The following NEK8 variants were observed in gnomAD, a reference collection of about 807,000 sequenced individuals.
NEK8 encodes NIMA related kinase 8.
A neutral mutation model predicts 77.2 loss-of-function variants in NEK8; 51 were observed. The observed-to-expected ratio is 0.66, with a 90% CI of 0.53 to 0.83. The LOEUF is 0.83. Among genes scored for constraint, NEK8 ranks in the 40% least tolerant of loss-of-function variants. The pLI is 0.00. For synonymous variants in NEK8, 365 were observed against 363.2 expected (o/e 1.00, Z -0.06); for missense variants, 787 against 909.2 (o/e 0.87, Z 1.73).
At chr17:28,739,919 G>C (rs2034402932) in intron 10 of NEK8, among the ~76,000 whole-genome samples, 1 of 152,196 alleles carries the variant, frequency 6.6e-6, no homozygotes, top group South Asian at 2.1e-4. Context: ...ACACCCCAGT[G>C]CAGAGGCGTG....
Position 28,740,987 on chromosome 17 carries a change from TGAG to T in NEK8, c.1732+8_1732+10del, listed in dbSNP as rs3833163. ...CTGCTCACTCAGCTGCTGTGACTGG[TGAG>T]GAGGACTTGGGCTCTGGAGGTCAGA... On this transcript the variant is annotated splice_donor_5th_base_variant and intron_variant, in intron 12 of 14. Coordinates refer to ENST00000268766, the MANE Select transcript of NEK8 (RefSeq NM_178170.3). The surrounding 1 kb of genome is among the most constrained non-coding windows in gnomAD (Gnocchi z 4.7). The T allele has an allele frequency of 3.0e-3, 4,908 of 1,614,112 alleles. 133 individuals carry two copies. The East Asian group carries it at 0.071, about 23-fold the overall frequency.
intron 8 of NEK8, 81 bp from the exon 9 acceptor site, chr17:28,738,590 G>A: frequency 1.6e-6 from 2 of 1,284,466 alleles, no homozygotes; most frequent in Non-Finnish European, 2.3e-6. Flanking sequence ...TTTTGCTGCT[G>A]CAACCCACTG....
intron 1 of NEK8, 97 bp from the exon 2 acceptor site, chr17:28,733,886 C>T: frequency 1.0e-6 from 1 of 1,000,022 alleles, no homozygotes; most frequent in Non-Finnish European, 1.5e-6. Flanking sequence ...GTCTAGAACC[C>T]TCTTCCAAGA....
chr17:28,737,178 G>A lies in NEK8; in HGVS notation c.619-128G>A. 1 of 911,026 alleles carries A rather than the reference G, an allele frequency of 1.1e-6. No homozygotes were observed. Among genetic ancestry groups the A allele is most frequent in the Admixed American group, 2.0e-5 (1 of 50,100 alleles). The allele number at this position is 911,026 out of a possible 1,614,324, so 56.4% of individuals were successfully genotyped here. A position where few individuals can be genotyped will look rare whatever the true frequency, so the allele number is the denominator to read the frequency against. ...ATGCTGTTTTGGTTACTGTAGCCTT[G>A]TAGTATAGTTTGAAGTCAGGTAGCA... On this transcript the variant is annotated intron_variant, in intron 4 of 14. Transcript: ENST00000268766. The surrounding 1 kb of genome is among the most constrained non-coding windows in gnomAD (Gnocchi z 4.8).
Position 28,740,684 on chromosome 17 carries a change from C to G in NEK8, c.1568+71C>G. On this transcript the variant is annotated intron_variant, in intron 11 of 14. Coordinates refer to ENST00000268766, the MANE Select transcript of NEK8 (RefSeq NM_178170.3). This position sits in a 1 kb window ranked among gnomAD's most constrained non-coding sequence, Gnocchi z 4.7. ...GCTGCAAGTGCTCCGTCCATCATTG[C>G]CTACCTTTCACCAAAGACCAGAATT... 6.3e-7 allele frequency: 1 copy of G among 1,593,464 alleles called. No individual in the cohort carries two copies. The highest frequency in any genetic ancestry group is 1.1e-5 in the South Asian group (1 of 90,638).
At position 28,741,381 on chromosome 17, in the gene NEK8, C is replaced by T. The variant is rs2034420268; in HGVS notation, c.1892-32C>T. ...GATCCTGCTCGGGCTGTGCCCACTT[C>T]CCACTTCCCTCCTGGGGATTCTTCC... On this transcript the variant is annotated intron_variant, in intron 13 of 14. Transcript: ENST00000268766. This position sits in a 1 kb window ranked among gnomAD's most constrained non-coding sequence, Gnocchi z 4.5. 3.7e-6 allele frequency: 6 copies of T among 1,610,850 alleles called. No homozygotes were observed. The highest frequency in any genetic ancestry group is 5.1e-6 in the Non-Finnish European group (6 of 1,178,452).
rs2034418691 is a variant in NEK8, at chr17:28,741,233, G to A, written c.1888G>A (p.Ala630Thr). 6.2e-7 allele frequency: 1 copy of A among 1,606,828 alleles called. No individual in the cohort carries two copies. The highest frequency in any genetic ancestry group is 1.1e-5 in the South Asian group (1 of 89,958). ...CGDAFTVAIG[A>T]ESEVYSWGKG... is the part of the protein sequence containing the mutation. ...GGATGCCTTCACTGTAGCTATTGGGGCAGGTGAGGACTGAGCATGGTGGGG... is the reference window on the plus strand; with the variant it reads ...GGATGCCTTCACTGTAGCTATTGGGACAGGTGAGGACTGAGCATGGTGGGG... Residue 630 changes from alanine to threonine, a missense_variant, in exon 13 of 15, where the codon GCA becomes ACA. By Grantham distance (58) the Ala-to-Thr change is moderately conservative. Transcript: ENST00000268766. The surrounding 1 kb of genome is among the most constrained non-coding windows in gnomAD (Gnocchi z 4.5).
At chr17:28,730,739 G>A (rs970678886) in intron 1 of NEK8, among the ~76,000 whole-genome samples, 1 of 147,936 alleles carries the variant, frequency 6.8e-6, no homozygotes, top group South Asian at 2.2e-4. Flanking sequence ...AACACAATGA[G>A]TCCCCCTGTC....
chr17:28,738,511 A>G (rs913136695), intron 8 of NEK8, among the ~76,000 whole-genome samples, 160 bp from the exon 9 acceptor site: 2 of 152,086 alleles, frequency 1.3e-5, no homozygotes, highest in Non-Finnish European at 2.9e-5. Flanking sequence ...AAAGTCACAT[A>G]TGTTTGAAGG....
rs2034443984 is a variant in NEK8 at position 28,743,031 on chromosome 17, C to G, written c.*1044C>G. 6.9e-6 allele frequency: 1 copy of G among 145,386 alleles called. No individual in the cohort carries two copies. Among genetic ancestry groups the G allele is most frequent in the African/African-American group, 2.6e-5 (1 of 38,144 alleles). 9.0% of individuals were successfully genotyped at this position (145,386 alleles called of 1,614,324 possible). Reference sequence around the variant, plus strand: ...AAGTTTGCAGTGAGCCGAGATCGCACCACTGCACTCCAGCCTGGATGACAG... The same window carrying G: ...AAGTTTGCAGTGAGCCGAGATCGCAGCACTGCACTCCAGCCTGGATGACAG... On this transcript the variant is annotated 3_prime_UTR_variant, in exon 15 of 15. Coordinates refer to ENST00000268766, the MANE Select transcript of NEK8 (RefSeq NM_178170.3).
Position 28,741,690 on chromosome 17 carries a change from A to G in NEK8, c.2050+119A>G. ...AGCATCTTTAGCCCCCAGATAAAAA[A>G]AGCAGAAGCTGCGGTTGAAAAGCTT... On this transcript the variant is annotated intron_variant, in intron 14 of 14. Coordinates refer to ENST00000268766, the MANE Select transcript of NEK8 (RefSeq NM_178170.3). This position sits in a 1 kb window ranked among gnomAD's most constrained non-coding sequence, Gnocchi z 4.5. 7.7e-7 allele frequency: 1 copy of G among 1,298,306 alleles called. No homozygotes were observed. Among genetic ancestry groups the G allele is most frequent in the Admixed American group, 1.7e-5 (1 of 58,394 alleles). The allele number at this position is 1,298,306 out of a possible 1,614,324, so 80.4% of individuals were successfully genotyped here. A position where few individuals can be genotyped will look rare whatever the true frequency, so the allele number is the denominator to read the frequency against.
chr17:28,731,908 A>ATTTTTTTTTTTTTTTT (rs71135844), intron 1 of NEK8, among the ~76,000 whole-genome samples: 2 of 52,512 alleles, frequency 3.8e-5, no homozygotes, highest in Non-Finnish European at 7.0e-5. Flanking sequence ...CCTGGCCCCA[A>ATTTTTTTTTTTTTTTT]TTTTTTTTTT....
Position 28,740,671 on chromosome 17 carries a change from C to T in NEK8, c.1568+58C>T, listed in dbSNP as rs1454036632. 4 of 1,601,210 alleles carry T rather than the reference C, an allele frequency of 2.5e-6. No homozygotes were observed. In the Admixed American group the frequency reaches 6.7e-5, roughly 27 times the overall value. ...CTGGCTCTCCTTGGCTGCAAGTGCT[C>T]CGTCCATCATTGCCTACCTTTCACC... On this transcript the variant is annotated intron_variant, in intron 11 of 14. Coordinates refer to ENST00000268766, the MANE Select transcript of NEK8 (RefSeq NM_178170.3). This position sits in a 1 kb window ranked among gnomAD's most constrained non-coding sequence, Gnocchi z 4.7.
At chr17:28,736,237 G>A (rs1166539922) in intron 4 of NEK8, among the ~76,000 whole-genome samples, 1 of 152,124 alleles carries the variant, frequency 6.6e-6, no homozygotes, top group African/African-American at 2.4e-5. Context: ...ATAAACATAC[G>A]TGTGCATGTG....
At chr17:28,738,853 G>C in intron 9 of NEK8, 106 bp downstream of exon 9, 1 of 951,082 alleles carries the variant, frequency 1.1e-6, no homozygotes, top group Non-Finnish European at 1.7e-6. Flanking sequence ...AGCAACCACA[G>C]GTTCCTCTAG....
chr17:28,731,223 G>A (rs540271327), intron 1 of NEK8, among the ~76,000 whole-genome samples: 2 of 151,734 alleles, frequency 1.3e-5, no homozygotes, highest in East Asian at 1.9e-4. Flanking sequence ...GGCAACAAGA[G>A]TGAAACTCTG....
In NEK8 at chr17:28,734,002, C is replaced by T. The variant is rs75328009; in HGVS notation, c.67C>T (p.Arg23Ter). 7 of 1,614,122 alleles carry T rather than the reference C, an allele frequency of 4.3e-6. No individual in the cohort carries two copies. Among genetic ancestry groups the T allele is most frequent in the South Asian group, 1.1e-5 (1 of 91,078 alleles). ...CCCTAGGATTGTGCACCTGTGCCTG[C>T]GAAAGGCTGACCAGAAGCTGGTGAT... is the stretch of plus-strand genomic sequence containing the variant. ...GAFGIVHLCL[R>*]KADQKLVIIK... Residue 23 changes from arginine to a stop codon, truncating the protein, a stop_gained, in exon 2 of 15, where the codon CGA becomes TGA. Transcript: ENST00000268766. LOFTEE classifies it high-confidence loss of function.
At chr17:28,732,552 T>C (rs1250707305) in intron 1 of NEK8, among the ~76,000 whole-genome samples, 4 of 135,656 alleles carry the variant, frequency 2.9e-5, no homozygotes, top group African/African-American at 8.3e-5. Flanking sequence ...TTTCTTTTTT[T>C]TTTTTTTTTT....
rs1197910839 is a variant in NEK8 at position 28,739,162 on chromosome 17, A to G, written c.1378A>G (p.Thr460Ala). Residue 460 changes from threonine to alanine, a missense_variant, in exon 10 of 15, where the codon ACT becomes GCT. Physicochemically the swap from Thr to Ala is moderately conservative, Grantham distance 58. Transcript: ENST00000268766. ...CGASHVLALSTERELFAWGRG... is the reference protein window; with the variant it reads ...CGASHVLALSAERELFAWGRG... The stretch of plus-strand genomic sequence containing the variant: ...GGCCTCTCACGTGCTGGCCCTGTCC[A>G]CTGAGCGAGAACTATTTGCCTGGGG... 3 of 1,614,006 alleles carry G rather than the reference A, an allele frequency of 1.9e-6. No homozygotes were observed. The highest frequency in any genetic ancestry group is 2.5e-6 in the Non-Finnish European group (3 of 1,179,984).
Sources: allele counts gnomAD v4.1 joint callset (sites outside exome capture counted in the v4.1 genomes callset), GRCh38; gene constraint gnomAD v4.1.1; non-coding constraint Gnocchi (gnomAD v3.1); transcripts MANE v1.5; gene names NCBI Gene and HGNC (gene_info 2026-07-23, HGNC 2026-07-21).